Variants in ARFGEF3 observed in about 807,000 individuals in gnomAD.
ARFGEF3 encodes the protein brefeldin A-inhibited guanine nucleotide-exchange protein 3.
Under a neutral mutation model 221.7 loss-of-function variants are expected in ARFGEF3, and 96 were observed. The ratio of observed to expected loss-of-function variants is 0.43; its 90% confidence interval spans 0.37 to 0.51. ARFGEF3 has a LOEUF of 0.51. Ranked by LOEUF, ARFGEF3 falls within the 20% of genes least tolerant of loss-of-function variation. ARFGEF3 has a pLI of 0.00. For missense variants in ARFGEF3, 2,410 were observed against 2,789.9 expected, an observed-to-expected ratio of 0.86 and a Z score of 3.07; for synonymous variants, 1,145 against 1,126.8, an observed-to-expected ratio of 1.02 and a Z score of -0.32.
At chr6:138,199,985 CCATTCAG>C (rs144595647) in intron 2 of ARFGEF3, among the ~76,000 whole-genome samples, 1,868 of 152,238 alleles carry the variant, frequency 0.012, 22 homozygotes, top group Middle Eastern at 0.034. Flanking sequence ...CAACTTTTAG[CCATTCAG>C]CATTATGTTG....
At chr6:138,279,854 TC>T in intron 13 of ARFGEF3, 144 bp from the exon 14 acceptor site, 1 of 687,940 alleles carries the variant, frequency 1.5e-6, no homozygotes, top group Non-Finnish European at 2.4e-6. Context: ...CATCTCTACT[TC>T]TCCCCACTTG....
chr6:138,166,843 A>G (rs1776732627), intron 1 of ARFGEF3, among the ~76,000 whole-genome samples: 1 of 152,180 alleles, frequency 6.6e-6, no homozygotes, highest in Non-Finnish European at 1.5e-5. Context: ...AAGAGGGAAC[A>G]TCTATCCAAC....
rs555812680 is a variant in ARFGEF3 at position 138,196,752 on chromosome 6, A to G, written c.138-10290A>G. Reference sequence around the variant, plus strand: ...TAACTTTTTGATTCTTTGAAGTAACACTTTGCTTAAGACACAGATTGTCAG... The same window carrying G: ...TAACTTTTTGATTCTTTGAAGTAACGCTTTGCTTAAGACACAGATTGTCAG... On this transcript the variant is annotated intron_variant, in intron 2 of 33. Transcript: ENST00000251691. Among the ~76,000 whole-genome samples the G allele has an allele frequency of 1.8e-3, 267 of 152,304 alleles. 1 individual carries two copies. The highest frequency in any genetic ancestry group is 5.5e-3 in the African/African-American group (228 of 41,566).
intron 32 of ARFGEF3, among the ~76,000 whole-genome samples, chr6:138,332,505 G>A (rs1780245640): frequency 6.6e-6 from 1 of 152,142 alleles, no homozygotes; most frequent in Non-Finnish European, 1.5e-5. Flanking sequence ...TATGCATCCT[G>A]TGGTAGCTTT....
At chr6:138,299,530 A>G (rs1012305058) in intron 22 of ARFGEF3, among the ~76,000 whole-genome samples, 24 of 152,192 alleles carry the variant, frequency 1.6e-4, no homozygotes, top group Non-Finnish European at 2.6e-4. Flanking sequence ...GTCCACCAAA[A>G]ACGTTGAATA....
intron 30 of ARFGEF3, 95 bp from the exon 31 acceptor site, chr6:138,323,928 C>T: frequency 1.3e-6 from 2 of 1,568,264 alleles, no homozygotes; most frequent in Non-Finnish European, 1.7e-6. Context: ...TGGGTCAGTA[C>T]TTTTGTCTCA....
chr6:138,209,990 C>G lies in ARFGEF3; in HGVS notation c.300C>G (p.Ala100=). Residue 100 remains alanine (A), a synonymous_variant, in exon 4 of 34, where the codon GCC becomes GCG. Coordinates refer to ENST00000251691, the MANE Select transcript of ARFGEF3 (RefSeq NM_020340.5). ...EKQLLNQILN[A]VKVTPSLNED... Reference sequence around the variant, plus strand: ...AGCTGCTCAATCAGATACTGAATGCCGTGAAAGTGACGCCTTCGCTCAACG... The same window carrying G: ...AGCTGCTCAATCAGATACTGAATGCGGTGAAAGTGACGCCTTCGCTCAACG... The G allele has an allele frequency of 6.2e-7, 1 of 1,613,804 alleles. No homozygotes were observed. The highest frequency in any genetic ancestry group is 8.5e-7 in the Non-Finnish European group (1 of 1,179,802).
intron 1 of ARFGEF3, among the ~76,000 whole-genome samples, chr6:138,165,941 A>G (rs1056040285): frequency 6.6e-6 from 1 of 152,164 alleles, no homozygotes; most frequent in African/African-American, 2.4e-5. Flanking sequence ...GTATCCTTGA[A>G]CCAGTCCTCT....
intron 21 of ARFGEF3, among the ~76,000 whole-genome samples, chr6:138,297,444 G>A (rs574221506): frequency 1.4e-4 from 21 of 152,288 alleles, no homozygotes; most frequent in Admixed American, 7.8e-4. Context: ...AAAGCAGTTC[G>A]TGTGATCAGT....
intron 4 of ARFGEF3, among the ~76,000 whole-genome samples, chr6:138,226,912 G>A (rs908388892): frequency 6.6e-6 from 1 of 152,200 alleles, no homozygotes; most frequent in Non-Finnish European, 1.5e-5. Context: ...GGAGGGCATG[G>A]ACACCATCAG....
chr6:138,178,484 C>G (rs1049233803), intron 2 of ARFGEF3, among the ~76,000 whole-genome samples: 2 of 152,160 alleles, frequency 1.3e-5, no homozygotes, highest in Non-Finnish European at 2.9e-5. Context: ...GAAGTCCTTC[C>G]TTAATTTCCT....
intron 13 of ARFGEF3, 82 bp downstream of exon 13, chr6:138,278,699 G>A: frequency 6.9e-7 from 1 of 1,457,826 alleles, no homozygotes; most frequent in South Asian, 1.2e-5. Flanking sequence ...TGCCCTGAGT[G>A]GGATGGCACA....
Position 138,280,094 on chromosome 6 carries a change from C to A in ARFGEF3, c.2391C>A (p.Asn797Lys). 1.9e-6 allele frequency: 3 copies of A among 1,613,918 alleles called. No homozygotes were observed. Among genetic ancestry groups the A allele is most frequent in the Non-Finnish European group, 1.7e-6 (2 of 1,179,816 alleles). ...EELYHQVLDR[N>K]MLGEAGYWGS... ...TCTACCATCAGGTGCTCGACAGGAA[C>A]ATGCTTGGAGAGGCTGGCTATTGGG... is the stretch of plus-strand genomic sequence containing the variant. The change falls in exon 14 of 34, where the codon AAC (asparagine) becomes AAA (lysine). Residue 797 changes from asparagine to lysine, a missense_variant. This residue lies in a region of ARFGEF3 where 594 missense variants were observed against 734.3 expected (regional missense o/e 0.81). Coordinates refer to ENST00000251691, the MANE Select transcript of ARFGEF3 (RefSeq NM_020340.5).
chr6:138,186,544 C>A (rs1432395593), intron 2 of ARFGEF3, among the ~76,000 whole-genome samples: 1 of 152,142 alleles, frequency 6.6e-6, no homozygotes, highest in Non-Finnish European at 1.5e-5. Flanking sequence ...CAGGGTTACA[C>A]GGGAGGCAGG....
At chr6:138,299,198 T>TAAAAAAAAAAA (rs60475752) in intron 22 of ARFGEF3, among the ~76,000 whole-genome samples, 3 of 39,436 alleles carry the variant, frequency 7.6e-5, no homozygotes, top group African/African-American at 1.9e-4. Context: ...CGAGACTCTG[T>TAAAAAAAAAAA]AAAAAAAAAA....
At position 138,192,557 on chromosome 6, in the gene ARFGEF3, G is replaced by A. The variant is rs182067731; in HGVS notation, c.138-14485G>A. Reference sequence around the variant, plus strand: ...TGGCTCTATCTTTCAGAAGGCAAATGGTGCCACAAGTGTGTGCATCCCTAG... The same window carrying A: ...TGGCTCTATCTTTCAGAAGGCAAATAGTGCCACAAGTGTGTGCATCCCTAG... On this transcript the variant is annotated intron_variant, in intron 2 of 33. Coordinates refer to ENST00000251691, the MANE Select transcript of ARFGEF3 (RefSeq NM_020340.5). Among the ~76,000 whole-genome samples the A allele has an allele frequency of 2.0e-5, 3 of 152,320 alleles. No homozygotes were observed. In the East Asian group the frequency reaches 5.8e-4, roughly 29 times the overall value.
chr6:138,321,207 T>C lies in ARFGEF3; in HGVS notation c.4748T>C (p.Val1583Ala). 1.9e-6 allele frequency: 3 copies of C among 1,552,218 alleles called. No individual in the cohort carries two copies. The highest frequency in any genetic ancestry group is 2.6e-6 in the Non-Finnish European group (3 of 1,145,144). ...AAGCCCACTGAAACCATCTCCAGAGTGGGCTGCTCCTGTATTAGGTGAGGA... is the reference window on the plus strand; with the variant it reads ...AAGCCCACTGAAACCATCTCCAGAGCGGGCTGCTCCTGTATTAGGTGAGGA... ...VAKPTETISR[V>A]GCSCIRYVLV... The change falls in exon 29 of 34, where the codon GTG becomes GCG. Residue 1583 changes from valine to alanine, a missense_variant. By Grantham distance (64) the Val-to-Ala change is moderately conservative. Transcript: ENST00000251691.
intron 4 of ARFGEF3, among the ~76,000 whole-genome samples, chr6:138,226,753 C>A (rs1166990673): frequency 6.6e-6 from 1 of 152,136 alleles, no homozygotes; most frequent in African/African-American, 2.4e-5. Flanking sequence ...TTTGTTATTG[C>A]CCTAAATTTT....
intron 33 of ARFGEF3, among the ~76,000 whole-genome samples, chr6:138,335,968 C>T (rs577906606): frequency 7.2e-4 from 110 of 152,068 alleles, no homozygotes; most frequent in Non-Finnish European, 1.2e-3. Flanking sequence ...TTGAGATTAA[C>T]GGCCTGTGGA....
Sources: gnomAD v4.1 joint callset for allele counts (sites outside exome capture counted in the v4.1 genomes callset) on GRCh38, gnomAD v4.1.1 for gene constraint, gnomAD v4.1.1 regional missense constraint, MANE v1.5 for transcripts, NCBI Gene and HGNC (gene_info 2026-07-23, HGNC 2026-07-21) for gene names.